SPPL2B: variants seen among roughly 807,000 people sequenced by gnomAD.
SPPL2B encodes signal peptide peptidase-like 2B.
A neutral mutation model predicts 59.7 loss-of-function variants in SPPL2B; 39 were observed. That is an observed-to-expected ratio of 0.65 (90% confidence interval 0.51 to 0.85). The LOEUF (loss-of-function observed/expected upper bound fraction) is 0.85. SPPL2B is among the 40% of genes least tolerant of loss of function. The pLI is 0.00. For synonymous variants in SPPL2B, 419 were observed against 370.8 expected (o/e 1.13, Z -1.49); for missense variants, 865 against 849.0 (o/e 1.02, Z -0.23).
Position 2,337,511 on chromosome 19 carries a change from C to T in SPPL2B, c.255C>T (p.Gly85=), listed in dbSNP as rs1446608877. 5 of 1,613,264 alleles carry T rather than the reference C, an allele frequency of 3.1e-6. No homozygotes were observed. The South Asian group carries it at 5.5e-5, about 18-fold the overall frequency. The change falls in exon 3 of 15, where the codon GGC becomes GGT. Residue 85 remains glycine (G), a synonymous_variant. Transcript: ENST00000613503. ...LCSAADLPAR[G]FSNQIPLVAR... ...CCGCAGCCGACCTCCCCGCCCGTGG[C>T]TTCAGCAACCAGATCCCGCTGGTGG...
In SPPL2B at chr19:2,350,479, G is replaced by A. The variant is rs183147611; in HGVS notation, c.1355-955G>A. On this transcript the variant is annotated intron_variant, in intron 13 of 14. Transcript: ENST00000613503. ...GTTCTCTCTCTCCACACACACTCAC[G>A]CTTTCATTCGCTTGATTCCATTCTC... 9.9e-5 allele frequency among the ~76,000 whole-genome samples: 15 copies of A among 150,778 alleles called. No individual in the cohort carries two copies. The East Asian group carries it at 1.6e-3, about 16-fold the overall frequency.
chr19:2,334,929 C>T (rs1327267459), intron 2 of SPPL2B, among the ~76,000 whole-genome samples: 1 of 152,108 alleles, frequency 6.6e-6, no homozygotes, highest in African/African-American at 2.4e-5. Context: ...CCTTGGGGTG[C>T]AGATCCAGAG....
chr19:2,345,421 C>T, intron 13 of SPPL2B, 91 bp downstream of exon 13: 1 of 1,068,244 alleles, frequency 9.4e-7, no homozygotes, highest in Non-Finnish European at 1.4e-6. Context: ...CTAACCCCAA[C>T]CCCAACCCTA....
Position 2,328,725 on chromosome 19 carries a change from G to A in SPPL2B, c.16G>A (p.Ala6Thr). ...ACCGGCCGACATGGCGGCAGCGGTGGCGGCTGCGCTGGCGCGGCTTTTGGC... is the reference window on the plus strand; with the variant it reads ...ACCGGCCGACATGGCGGCAGCGGTGACGGCTGCGCTGGCGCGGCTTTTGGC... Reference protein sequence around the residue: MAAAVAAALARLLAAF... With the variant: MAAAVTAALARLLAAF... Residue 6 changes from alanine (A) to threonine (T), a missense_variant, in exon 1 of 15, where the codon GCG (alanine) becomes ACG (threonine). Physicochemically the swap from Ala to Thr is moderately conservative, Grantham distance 58. Transcript: ENST00000613503. 6.9e-7 allele frequency: 1 copy of A among 1,455,144 alleles called. No homozygotes were observed. The highest frequency in any genetic ancestry group is 1.4e-5 in the South Asian group (1 of 72,914). The allele number at this position is 1,455,144 out of a possible 1,614,324, so 90.1% of individuals were successfully genotyped here. A position where few individuals can be genotyped will look rare whatever the true frequency, so the allele number is the denominator to read the frequency against.
intron 7 of SPPL2B, chr19:2,340,469 C>A (rs757722832): frequency 1.6e-6 from 1 of 618,122 alleles, no homozygotes; most frequent in Non-Finnish European, 3.0e-6. Context: ...CCGGGGAACC[C>A]AGAAGGTTCC....
chr19:2,343,345 C>T (rs1969169000), intron 9 of SPPL2B, 53 bp downstream of exon 9: 3 of 1,430,354 alleles, frequency 2.1e-6, no homozygotes, highest in African/African-American at 2.8e-5. Flanking sequence ...GGGGGCCCTT[C>T]ATCCTAGCCT....
intron 2 of SPPL2B, 100 bp from the exon 3 acceptor site, chr19:2,337,342 TG>T: frequency 8.5e-7 from 1 of 1,172,964 alleles, no homozygotes; most frequent in Non-Finnish European, 1.2e-6. Context: ...AGGTGAGGGC[TG>T]GGATCTAACT....
rs1025077307 is a variant in SPPL2B at position 2,332,980 on chromosome 19, G to T, written c.67-1622G>T. 1.5e-5 allele frequency among the ~76,000 whole-genome samples: 2 copies of T among 137,006 alleles called. No homozygotes were observed. The highest frequency in any genetic ancestry group is 3.2e-5 in the Non-Finnish European group (2 of 63,074). 89.9% of individuals were successfully genotyped at this position (137,006 alleles called of 152,430 possible). A position where few individuals can be genotyped will look rare whatever the true frequency, so the allele number is the denominator to read the frequency against. On this transcript the variant is annotated intron_variant, in intron 1 of 14. Transcript: ENST00000613503. The surrounding 1 kb of genome is among the most constrained non-coding windows in gnomAD (Gnocchi z 4.6). ...TCTGCTGGGAGGGGGAGCAGGAGGA[G>T]GGTGGGGATGGCAGGTGCGGGCGGC... is the stretch of plus-strand genomic sequence containing the variant.
chr19:2,337,401 A>C (rs1433948024), intron 2 of SPPL2B, 42 bp from the exon 3 acceptor site: 3 of 1,520,606 alleles, frequency 2.0e-6, no homozygotes, highest in Non-Finnish European at 2.7e-6. Context: ...CCTCCTGGTG[A>C]CTCACATCAC....
chr19:2,337,921 T>C (rs758094), intron 3 of SPPL2B: 327,259 of 337,298 alleles, frequency 0.97, 158,795 homozygotes, highest in African/African-American at 0.99. Flanking sequence ...GAGACCACAC[T>C]CTCTGTGGGG....
At chr19:2,336,962 G>A (rs1370370920) in intron 2 of SPPL2B, 1 of 156,846 alleles carries the variant, frequency 6.4e-6, no homozygotes, top group African/African-American at 2.5e-5. Context: ...CTGTGGACGT[G>A]TGCTTGTGTG....
Position 2,353,774 on chromosome 19 carries a change from G to A in SPPL2B, c.*565G>A, listed in dbSNP as rs553444389. The stretch of plus-strand genomic sequence containing the variant: ...CGGCCTCTGGCCCCTGACGCTGGCT[G>A]AGACAGGCCCGTGGGGCGGGGTTTT... On this transcript the variant is annotated 3_prime_UTR_variant, in exon 15 of 15. Coordinates refer to ENST00000613503, the MANE Select transcript of SPPL2B (RefSeq NM_152988.3). 1 of 155,164 alleles carries A rather than the reference G, an allele frequency of 6.4e-6. No individual in the cohort carries two copies. Among genetic ancestry groups the A allele is most frequent in the Admixed American group, 6.3e-5 (1 of 15,854 alleles). 9.6% of individuals were successfully genotyped at this position (155,164 alleles called of 1,614,324 possible).
At position 2,344,590 on chromosome 19, in the gene SPPL2B, C is replaced by T; in HGVS notation, c.1214C>T (p.Ser405Leu). 6.2e-7 allele frequency: 1 copy of T among 1,613,264 alleles called. No homozygotes were observed. Among genetic ancestry groups the T allele is most frequent in the South Asian group, 1.1e-5 (1 of 91,022 alleles). The change falls in exon 12 of 15, where the codon TCA becomes TTA. Residue 405 changes from serine (S) to leucine (L), a missense_variant. Transcript: ENST00000613503. ...MVLKVPRLNS[S>L]PLALCDRPFS... ...CTGAAGGTGCCCAGGCTGAACTCCT[C>T]ACCTCTGGCCCTGTGTGACCGGCCC...
chr19:2,328,987 C>T (rs1968140805), intron 1 of SPPL2B, among the ~76,000 whole-genome samples: 1 of 152,194 alleles, frequency 6.6e-6, no homozygotes, highest in Non-Finnish European at 1.5e-5. Context: ...GCCTCGGAGG[C>T]CCTCCGCCGC....
chr19:2,341,178 G>T (rs1969021579), intron 8 of SPPL2B, 164 bp downstream of exon 8: 1 of 700,656 alleles, frequency 1.4e-6, no homozygotes, highest in Non-Finnish European at 2.6e-6. Flanking sequence ...TGACAGGGCT[G>T]CGAGGGCGTT....
chr19:2,349,931 ACT>A (rs921978895), intron 13 of SPPL2B, among the ~76,000 whole-genome samples: 3 of 141,778 alleles, frequency 2.1e-5, no homozygotes, highest in Non-Finnish European at 3.0e-5. Flanking sequence ...CTCCACACAC[ACT>A]CACATGCTCT....
intron 4 of SPPL2B, 100 bp from the exon 5 acceptor site, chr19:2,338,969 G>T: frequency 1.3e-6 from 2 of 1,499,658 alleles, no homozygotes; most frequent in Non-Finnish European, 1.8e-6. Context: ...GCCCCTGCAG[G>T]CCAGGGTCTC....
chr19:2,339,627 C>T (rs1454114757), intron 5 of SPPL2B, 197 bp from the exon 6 acceptor site: 15 of 642,588 alleles, frequency 2.3e-5, no homozygotes, highest in African/African-American at 1.3e-4. Flanking sequence ...AACCCAGGGA[C>T]GCGGGCCCTG....
chr19:2,350,440 A>T, intron 13 of SPPL2B, among the ~76,000 whole-genome samples: 1 of 144,812 alleles, frequency 6.9e-6, no homozygotes. Context: ...TCGCGCTCTC[A>T]TTCGCTTGAT....
Sources: gnomAD v4.1 joint callset for allele counts (sites outside exome capture counted in the v4.1 genomes callset) on GRCh38, gnomAD v4.1.1 for gene constraint, Gnocchi (gnomAD v3.1) non-coding constraint, MANE v1.5 for transcripts, NCBI Gene and HGNC (gene_info 2026-07-23, HGNC 2026-07-21) for gene names.